Variants in SIPA1L3 observed in about 807,000 individuals in gnomAD.
SIPA1L3 encodes signal induced proliferation associated 1 like 3.
In SIPA1L3, 59 loss-of-function variants were observed where a neutral mutation model predicts 150.1. That is an observed-to-expected ratio of 0.39 (90% CI 0.32 to 0.49). SIPA1L3 has a LOEUF of 0.49. Ranked by LOEUF, SIPA1L3 falls within the 20% of genes least tolerant of loss-of-function variation. The pLI is 0.86. For synonymous variants in SIPA1L3, 1,070 were observed against 1,077.6 expected (o/e 0.99, Z 0.14); for missense variants, 2,211 against 2,489.5 (o/e 0.89, Z 2.38).
chr19:38,175,033 T>C (rs1972407630), intron 15 of SIPA1L3, among the ~76,000 whole-genome samples: 1 of 152,042 alleles, frequency 6.6e-6, no homozygotes, highest in Non-Finnish European at 1.5e-5. Context: ...GGTTAAAATA[T>C]CGTCTCTCAA....
chr19:38,182,820 A>G, intron 16 of SIPA1L3, 80 bp downstream of exon 16: 2 of 1,084,348 alleles, frequency 1.8e-6, no homozygotes, highest in Non-Finnish European at 2.7e-6. Flanking sequence ...GTGATGCCAC[A>G]TGCTGTCATT....
intron 2 of SIPA1L3, among the ~76,000 whole-genome samples, chr19:38,036,412 C>A (rs118088049): frequency 0.011 from 1,700 of 152,344 alleles, 26 homozygotes; most frequent in Admixed American, 0.023. Context: ...TGGCTGTGAT[C>A]CCTAAGGAGC....
chr19:37,932,910 C>T (rs1049793239), intron 1 of SIPA1L3, among the ~76,000 whole-genome samples: 1 of 151,990 alleles, frequency 6.6e-6, no homozygotes, highest in Non-Finnish European at 1.5e-5. Context: ...GAGAAGGAAT[C>T]GGTGACTCTT....
chr19:37,927,658 T>G (rs1385345561), intron 1 of SIPA1L3, among the ~76,000 whole-genome samples: 4 of 58,418 alleles, frequency 6.8e-5, no homozygotes, highest in East Asian at 5.1e-4. Flanking sequence ...ACATGGGGTG[T>G]GTGTGTGTGT....
At chr19:38,097,354 GA>G (rs1286772370) in intron 4 of SIPA1L3, among the ~76,000 whole-genome samples, 1 of 151,422 alleles carries the variant, frequency 6.6e-6, no homozygotes. Flanking sequence ...GTCTTCAAAA[GA>G]AAAAAAGAAT....
At chr19:38,067,860 G>A (rs1384696635) in intron 2 of SIPA1L3, among the ~76,000 whole-genome samples, 1 of 152,038 alleles carries the variant, frequency 6.6e-6, no homozygotes, top group Non-Finnish European at 1.5e-5. Context: ...GACTCCACTC[G>A]TTGCTCTTCC....
At chr19:38,099,386 C>T (rs964796344) in intron 4 of SIPA1L3, among the ~76,000 whole-genome samples, 1 of 149,862 alleles carries the variant, frequency 6.7e-6, no homozygotes, top group African/African-American at 2.5e-5. Context: ...TGCCACAGTT[C>T]AAGATCCAAG....
At position 38,164,415 on chromosome 19, in the gene SIPA1L3, C is replaced by T. The variant is rs907333760; in HGVS notation, c.3781-64C>T. ...GTTCAGGCCCAGGCAGAGGGAGGAC[C>T]CGGCAAGGGAAGATGCGCCCCTGCC... On this transcript the variant is annotated intron_variant, in intron 14 of 21. Coordinates refer to ENST00000222345, the MANE Select transcript of SIPA1L3 (RefSeq NM_015073.3). This position sits in a 1 kb window ranked among gnomAD's most constrained non-coding sequence, Gnocchi z 4.1. 7 of 1,479,842 alleles carry T rather than the reference C, an allele frequency of 4.7e-6. No individual in the cohort carries two copies. The African/African-American group carries it at 9.8e-5, about 21-fold the overall frequency. The allele number at this position is 1,479,842 out of a possible 1,614,324, so 91.7% of individuals were successfully genotyped here. A position where few individuals can be genotyped will look rare whatever the true frequency, so the allele number is the denominator to read the frequency against.
intron 2 of SIPA1L3, among the ~76,000 whole-genome samples, chr19:38,062,799 T>TTAG (rs1969478301): frequency 6.6e-6 from 1 of 152,070 alleles, no homozygotes; most frequent in Admixed American, 6.6e-5. Flanking sequence ...TTTTGTATTT[T>TTAG]TAGTAGAGAC....
chr19:38,071,271 GCCTA>G (rs1286215559), intron 2 of SIPA1L3, among the ~76,000 whole-genome samples: 1 of 148,198 alleles, frequency 6.7e-6, no homozygotes, highest in Admixed American at 6.7e-5. Context: ...CTATCTGCCT[GCCTA>G]CCCTACCTAC....
At chr19:38,089,798 C>T (rs912776377) in intron 4 of SIPA1L3, among the ~76,000 whole-genome samples, 2 of 152,208 alleles carry the variant, frequency 1.3e-5, no homozygotes, top group Non-Finnish European at 2.9e-5. Flanking sequence ...TTGCTTAAGT[C>T]AGAAATAGCA....
intron 1 of SIPA1L3, among the ~76,000 whole-genome samples, chr19:37,935,111 C>T (rs571284379): frequency 1.3e-5 from 2 of 152,292 alleles, no homozygotes; most frequent in African/African-American, 2.4e-5. Flanking sequence ...TGATGCCTCT[C>T]GTCCAGATAG....
rs1466471795 is a variant in SIPA1L3, at chr19:38,047,093, C to T, written c.-311+17937C>T. On this transcript the variant is annotated intron_variant, in intron 2 of 21. Coordinates refer to ENST00000222345, the MANE Select transcript of SIPA1L3 (RefSeq NM_015073.3). This position sits in a 1 kb window ranked among gnomAD's most constrained non-coding sequence, Gnocchi z 4.7. The stretch of plus-strand genomic sequence containing the variant: ...CTATCCAGTTTTACACATGAGGAAA[C>T]TGAGGCACGGATAAGTTGGGTTGTT... Among the ~76,000 whole-genome samples, 4 of 152,178 alleles carry T rather than the reference C, an allele frequency of 2.6e-5. No homozygotes were observed. The highest frequency in any genetic ancestry group is 7.2e-5 in the African/African-American group (3 of 41,428).
chr19:37,978,763 C>T (rs1967131836), intron 1 of SIPA1L3, among the ~76,000 whole-genome samples: 1 of 151,678 alleles, frequency 6.6e-6, no homozygotes, highest in South Asian at 2.1e-4. Flanking sequence ...TCACTGGAGT[C>T]CAGGAGTTCC....
At chr19:38,198,660 T>A in intron 19 of SIPA1L3, 128 bp downstream of exon 19, 1 of 937,408 alleles carries the variant, frequency 1.1e-6, no homozygotes, top group Non-Finnish European at 1.4e-6. Context: ...AGGGTTCAAG[T>A]CCTGCCCCGT....
intron 15 of SIPA1L3, among the ~76,000 whole-genome samples, chr19:38,169,707 CT>C (rs900566257): frequency 3.3e-5 from 5 of 152,388 alleles, no homozygotes; most frequent in Non-Finnish European, 5.9e-5. Flanking sequence ...AATATCCCCC[CT>C]GGTCCAAGAC....
At position 38,163,749 on chromosome 19, in the gene SIPA1L3, G is replaced by A. The variant is rs1028062440; in HGVS notation, c.3781-730G>A. 3.9e-5 allele frequency among the ~76,000 whole-genome samples: 6 copies of A among 152,326 alleles called. No individual in the cohort carries two copies. In the East Asian group the frequency reaches 5.8e-4, roughly 15 times the overall value. On this transcript the variant is annotated intron_variant, in intron 14 of 21. Transcript: ENST00000222345. ...CCACCATGGCCACAGCAACGTGATC[G>A]GGAGGGAGGGGAGATGAAGTTGGAG...
At chr19:38,011,737 T>C (rs570528875) in intron 1 of SIPA1L3, among the ~76,000 whole-genome samples, 1 of 152,314 alleles carries the variant, frequency 6.6e-6, no homozygotes, top group East Asian at 1.9e-4. Flanking sequence ...GGAAAGCAGC[T>C]GGAGGTGATC....
At chr19:38,096,064 T>C (rs1012944079) in intron 4 of SIPA1L3, among the ~76,000 whole-genome samples, 1 of 152,164 alleles carries the variant, frequency 6.6e-6, no homozygotes, top group Admixed American at 6.5e-5. Context: ...TTTGTTTGTT[T>C]GTTAATTACC....
Sources: gnomAD v4.1 joint callset for allele counts (sites outside exome capture counted in the v4.1 genomes callset) on GRCh38, gnomAD v4.1.1 for gene constraint, Gnocchi (gnomAD v3.1) non-coding constraint, MANE v1.5 for transcripts, NCBI Gene and HGNC (gene_info 2026-07-23, HGNC 2026-07-21) for gene names.